The following MSN variants were observed in gnomAD, a reference collection of about 807,000 sequenced individuals.
MSN encodes moesin, also known as epididymis luminal protein 70.
In MSN, 2 loss-of-function variants were observed where a neutral mutation model predicts 48.0. The observed-to-expected ratio is 0.04, with a 90% confidence interval of 0.02 to 0.13. The LOEUF (loss-of-function observed/expected upper bound fraction) is 0.13. Ranked by LOEUF, MSN falls within the 10% of genes least tolerant of loss-of-function variation. The pLI is 1.00. For synonymous variants in MSN, 146 were observed against 166.9 expected, an observed-to-expected ratio of 0.87 and a Z score of 0.97; for missense variants, 267 against 470.1, an observed-to-expected ratio of 0.57 and a Z score of 3.99.
intron 1 of MSN, among the ~76,000 whole-genome samples, chrX:65,646,478 G>A (rs975871733): frequency 9.0e-6 from 1 of 111,694 alleles, no homozygotes; most frequent in Non-Finnish European, 1.9e-5. Flanking sequence ...TTTTGCCTGA[G>A]CTGTTACAAT....
At chrX:65,616,290 C>T (rs1440294517) in intron 1 of MSN, among the ~76,000 whole-genome samples, 3 of 102,045 alleles carry the variant, frequency 2.9e-5, no homozygotes, top group Admixed American at 2.2e-4. Flanking sequence ...TGTAAATTAC[C>T]TTGGGCAGTA....
At chrX:65,609,594 G>A (rs1417178205) in intron 1 of MSN, among the ~76,000 whole-genome samples, 1 of 111,546 alleles carries the variant, frequency 9.0e-6, no homozygotes, top group African/African-American at 3.3e-5. Flanking sequence ...ATAAAGAGTA[G>A]ATTTCCTGGC....
intron 1 of MSN, among the ~76,000 whole-genome samples, chrX:65,620,317 C>G (rs998641344): frequency 1.4e-4 from 16 of 112,745 alleles, no homozygotes; most frequent in African/African-American, 5.1e-4. Context: ...CTCGCTGCCG[C>G]CCCGCAGCTC....
chrX:65,731,772 GCTTTCT>G (rs2071624685), intron 5 of MSN, 60 bp from the exon 6 acceptor site: 1 of 1,135,498 alleles, frequency 8.8e-7, no homozygotes, highest in Non-Finnish European at 1.2e-6. Context: ...GAGTAAGCAG[GCTTTCT>G]ATCTCCTTGG....
At chrX:65,598,897 T>A (rs1449555841) in intron 1 of MSN, among the ~76,000 whole-genome samples, 1 of 112,131 alleles carries the variant, frequency 8.9e-6, no homozygotes, top group Non-Finnish European at 1.9e-5. Flanking sequence ...AGGGTAAGTT[T>A]GGTTCTATTA....
intron 1 of MSN, among the ~76,000 whole-genome samples, chrX:65,595,173 G>C (rs939015036): frequency 4.5e-5 from 5 of 112,188 alleles, no homozygotes; most frequent in Non-Finnish European, 7.5e-5. Flanking sequence ...GAGGAGGGAA[G>C]GGAGTAGATG....
chrX:65,633,100 G>A (rs1275075751), intron 1 of MSN, among the ~76,000 whole-genome samples: 1 of 111,741 alleles, frequency 8.9e-6, no homozygotes, highest in African/African-American at 3.3e-5. Flanking sequence ...GGAGGTAGTA[G>A]TGGGAATAAG....
chrX:65,724,131 TTCTC>T (rs1252112953), intron 2 of MSN, among the ~76,000 whole-genome samples: 11 of 107,270 alleles, frequency 1.0e-4, no homozygotes, highest in African/African-American at 2.4e-4. Context: ...ACCATGATCC[TTCTC>T]TCTCTCTCTC....
chrX:65,639,704 G>T (rs940487227), intron 1 of MSN, among the ~76,000 whole-genome samples: 1 of 111,560 alleles, frequency 9.0e-6, no homozygotes, highest in Admixed American at 9.6e-5. Flanking sequence ...TTAGTACAGG[G>T]ATTCTTGGCT....
In MSN at chrX:65,711,697, G is replaced by T. The variant is rs146109135; in HGVS notation, c.13-5121G>T. Among the ~76,000 whole-genome samples, 589 of 111,240 alleles carry T rather than the reference G, an allele frequency of 5.3e-3. 9 individuals carry two copies. Among genetic ancestry groups the T allele is most frequent in the African/African-American group, 0.018 (559 of 30,587 alleles). ...TATTTCGATATAATTTTGTTATATTGTATCTACTTTATTTCATGCATTTAC... is the reference window on the plus strand; with the variant it reads ...TATTTCGATATAATTTTGTTATATTTTATCTACTTTATTTCATGCATTTAC... On this transcript the variant is annotated intron_variant, in intron 1 of 12. Coordinates refer to ENST00000360270, the MANE Select transcript of MSN (RefSeq NM_002444.3).
At chrX:65,653,826 T>G (rs1009618521) in intron 1 of MSN, among the ~76,000 whole-genome samples, 2 of 110,880 alleles carry the variant, frequency 1.8e-5, no homozygotes, top group African/African-American at 3.3e-5. Context: ...CAGGCTGGAG[T>G]GTAGTGGCGC....
intron 1 of MSN, among the ~76,000 whole-genome samples, chrX:65,633,720 A>C (rs2070576819): frequency 8.9e-6 from 1 of 112,364 alleles, no homozygotes; most frequent in Non-Finnish European, 1.9e-5. Flanking sequence ...TGTATCAGGA[A>C]GCATGTCAGC....
Position 65,590,544 on chromosome X carries a change from A to T in MSN, c.-22+1932A>T, listed in dbSNP as rs182007089. Among the ~76,000 whole-genome samples, 15 of 111,394 alleles carry T rather than the reference A, an allele frequency of 1.3e-4. No individual in the cohort carries two copies. In the East Asian group the frequency reaches 4.0e-3, roughly 30 times the overall value. On this transcript the variant is annotated intron_variant, in intron 1 of 3. Coordinates refer to the MSN transcript ENST00000609672. ...ATGCCACAATGGCTACACACTTGGC[A>T]TGGTGCTTGGGACTCGAATCTATAG...
chrX:65,599,291 G>A (rs1386262059), intron 1 of MSN, among the ~76,000 whole-genome samples: 3 of 108,252 alleles, frequency 2.8e-5, no homozygotes, highest in African/African-American at 6.8e-5. Context: ...GCAAAACTCC[G>A]TCTCAAAAAA....
intron 1 of MSN, among the ~76,000 whole-genome samples, chrX:65,613,910 A>C (rs1013639099): frequency 1.8e-5 from 2 of 111,408 alleles, no homozygotes; most frequent in Non-Finnish European, 3.8e-5. Context: ...CTTTTGTTGC[A>C]ATTGCTTTTG....
At chrX:65,703,189 T>C (rs982461135) in intron 1 of MSN, among the ~76,000 whole-genome samples, 2 of 111,610 alleles carry the variant, frequency 1.8e-5, no homozygotes, top group African/African-American at 3.3e-5. Flanking sequence ...GAGGGATTAG[T>C]AATCATCACA....
Position 65,709,709 on chromosome X carries a change from C to T in MSN, c.13-7109C>T, listed in dbSNP as rs561064779. Among the ~76,000 whole-genome samples the T allele has an allele frequency of 8.9e-5, 10 of 112,958 alleles. No homozygotes were observed. The South Asian group carries it at 2.2e-3, about 25-fold the overall frequency. ...TCACCCTTGATCAGTGCCCTGAAGA[C>T]GCTGGATTGGCATGACCTACAATTG... On this transcript the variant is annotated intron_variant, in intron 1 of 12. Transcript: ENST00000360270.
intron 1 of MSN, among the ~76,000 whole-genome samples, chrX:65,617,176 G>A (rs1416420161): frequency 5.7e-5 from 6 of 104,912 alleles, no homozygotes; most frequent in Non-Finnish European, 9.4e-5. Flanking sequence ...CTCTTTTTTT[G>A]TTGTGTCTGT....
intron 1 of MSN, among the ~76,000 whole-genome samples, chrX:65,601,859 C>T (rs748836070): frequency 2.0e-4 from 23 of 112,268 alleles, no homozygotes; most frequent in African/African-American, 7.4e-4. Context: ...AAGAGGGACT[C>T]ATTGCCCAGG....
Sources: gnomAD v4.1 joint callset for allele counts (sites outside exome capture counted in the v4.1 genomes callset) on GRCh38, gnomAD v4.1.1 for gene constraint, MANE v1.5 for transcripts, NCBI Gene and HGNC (gene_info 2026-07-23, HGNC 2026-07-21) for gene names.